CA10: variants seen among roughly 807,000 people sequenced by gnomAD.
CA10 encodes carbonic anhydrase 10 (inactive), also known as carbonic anhydrase-related protein 10.
A neutral mutation model predicts 44.2 loss-of-function variants in CA10; 14 were observed. The ratio of observed to expected loss-of-function variants is 0.32; its 90% CI spans 0.21 to 0.50. CA10 has a LOEUF of 0.50. CA10 is among the 20% of genes least tolerant of loss of function. CA10 has a pLI of 0.99. For missense variants in CA10, 350 were observed against 409.7 expected, an observed-to-expected ratio of 0.85 and a Z score of 1.26; for synonymous variants, 159 against 141.6, an observed-to-expected ratio of 1.12 and a Z score of -0.87.
In CA10 at chr17:51,633,658, G is replaced by A. The variant is rs1168360136; in HGVS notation, c.790-8C>T. 1 of 1,610,144 alleles carries A rather than the reference G, an allele frequency of 6.2e-7. No individual in the cohort carries two copies. The highest frequency in any genetic ancestry group is 1.3e-5 in the African/African-American group (1 of 74,656). Reference sequence around the variant, plus strand: ...CAGGCGCAAGGAATGCATCTGAGGAGAGAGAAGTGGCCGTGAGATCCAACC... The same window carrying A: ...CAGGCGCAAGGAATGCATCTGAGGAAAGAGAAGTGGCCGTGAGATCCAACC... On this transcript the variant is annotated splice_region_variant and splice_polypyrimidine_tract_variant and intron_variant, in intron 7 of 8. Coordinates refer to ENST00000451037, the MANE Select transcript of CA10 (RefSeq NM_020178.5).
intron 3 of CA10, among the ~76,000 whole-genome samples, chr17:51,878,894 GT>G (rs1348982035): frequency 0.16 from 1,037 of 6,368 alleles, 145 homozygotes; most frequent in South Asian, 0.39. Flanking sequence ...ATATATATGG[GT>G]GTGTGTGTGT....
chr17:51,752,115 C>T (rs56700904), intron 3 of CA10, among the ~76,000 whole-genome samples: 26,780 of 151,820 alleles, frequency 0.18, 2,624 homozygotes, highest in East Asian at 0.28. Context: ...CCATAGATAC[C>T]GAAATAACAT....
chr17:51,918,912 C>T (rs902444269), intron 3 of CA10, among the ~76,000 whole-genome samples: 8 of 152,104 alleles, frequency 5.3e-5, no homozygotes, highest in Non-Finnish European at 1.0e-4. Flanking sequence ...CTTAATCTTT[C>T]GTGCAACATT....
intron 4 of CA10, among the ~76,000 whole-genome samples, chr17:51,663,436 C>G (rs1219676877): frequency 2.6e-5 from 4 of 152,102 alleles, no homozygotes; most frequent in Non-Finnish European, 1.5e-5. Context: ...TTTAGTTAAG[C>G]CTATTTCTTC....
chr17:51,673,037 G>A (rs1275001610), intron 4 of CA10, among the ~76,000 whole-genome samples: 12 of 152,160 alleles, frequency 7.9e-5, no homozygotes, highest in Non-Finnish European at 1.3e-4. Flanking sequence ...CTCTCTTGTT[G>A]GTCTTTCTGA....
chr17:51,853,119 C>T (rs937190010), intron 3 of CA10, among the ~76,000 whole-genome samples: 1 of 151,972 alleles, frequency 6.6e-6, no homozygotes, highest in Non-Finnish European at 1.5e-5. Flanking sequence ...AAACTGAATG[C>T]TAATATATTA....
chr17:52,118,049 C>T (rs1047130278), intron 1 of CA10, among the ~76,000 whole-genome samples: 2 of 152,158 alleles, frequency 1.3e-5, no homozygotes, highest in Non-Finnish European at 2.9e-5. Flanking sequence ...CACTAATCTG[C>T]TCTTTAGCAA....
chr17:51,920,841 C>T (rs566571990), intron 3 of CA10, among the ~76,000 whole-genome samples: 5 of 152,242 alleles, frequency 3.3e-5, no homozygotes, highest in South Asian at 2.1e-4. Flanking sequence ...TGAAATCTTC[C>T]GCTCCCTGCA....
rs76715983 is a variant in CA10, at chr17:51,992,335, A to T, written c.137-61203T>A. ...CATCCTCATCATCACCATCATTGTT[A>T]TCCTCACTCTTGACCTTATTATTTT... On this transcript the variant is annotated intron_variant, in intron 2 of 8. Coordinates refer to ENST00000451037, the MANE Select transcript of CA10 (RefSeq NM_020178.5). 2.6e-5 allele frequency among the ~76,000 whole-genome samples: 4 copies of T among 152,252 alleles called. No homozygotes were observed. In the East Asian group the frequency reaches 7.7e-4, roughly 29 times the overall value.
chr17:51,645,164 G>A (rs1913271155), intron 6 of CA10, among the ~76,000 whole-genome samples: 1 of 152,092 alleles, frequency 6.6e-6, no homozygotes, highest in Admixed American at 6.5e-5. Flanking sequence ...CATCAGCCCG[G>A]TCATGGTCAG....
intron 2 of CA10, among the ~76,000 whole-genome samples, chr17:51,952,059 C>A (rs1460967951): frequency 6.6e-6 from 1 of 152,064 alleles, no homozygotes; most frequent in Non-Finnish European, 1.5e-5. Flanking sequence ...AAATTAACTG[C>A]CAAAATTATT....
At chr17:51,660,840 G>A (rs1460099140) in intron 4 of CA10, among the ~76,000 whole-genome samples, 1 of 151,988 alleles carries the variant, frequency 6.6e-6, no homozygotes, top group African/African-American at 2.4e-5. Flanking sequence ...TCTGTGCTCT[G>A]CTCAGTGTCT....
intron 3 of CA10, among the ~76,000 whole-genome samples, chr17:51,838,483 T>C (rs1042943235): frequency 1.3e-5 from 2 of 152,242 alleles, no homozygotes; most frequent in Non-Finnish European, 2.9e-5. Flanking sequence ...AATAAATGTA[T>C]GAAGTGGCTT....
At chr17:52,071,082 T>G (rs946448079) in intron 2 of CA10, among the ~76,000 whole-genome samples, 20 of 152,232 alleles carry the variant, frequency 1.3e-4, no homozygotes, top group African/African-American at 4.6e-4. Context: ...TTGTAAGTAT[T>G]GAATGCCATT....
Position 52,029,330 on chromosome 17 carries a change from C to T in CA10, c.136+42989G>A, listed in dbSNP as rs184876114. Among the ~76,000 whole-genome samples, 74 of 152,240 alleles carry T rather than the reference C, an allele frequency of 4.9e-4. 1 individual carries two copies. The highest frequency in any genetic ancestry group is 7.9e-4 in the Admixed American group (12 of 15,286). ...GTTTTCAAGAGATGGTATCAAAACA[C>T]GCTTTTGTCAACAAGCCCAATCATA... On this transcript the variant is annotated intron_variant, in intron 2 of 8. Transcript: ENST00000451037.
At chr17:51,942,229 G>T (rs774776495) in intron 2 of CA10, among the ~76,000 whole-genome samples, 30 of 152,104 alleles carry the variant, frequency 2.0e-4, no homozygotes, top group Non-Finnish European at 3.5e-4. Context: ...AAATAACAGG[G>T]CTTAGTTATC....
intron 3 of CA10, among the ~76,000 whole-genome samples, chr17:51,907,334 G>C (rs532840953): frequency 6.6e-6 from 1 of 152,060 alleles, no homozygotes; most frequent in South Asian, 2.1e-4. Context: ...ATTTGAGGAA[G>C]AGGAAGGAAG....
At chr17:51,960,738 T>C (rs1983856310) in intron 2 of CA10, among the ~76,000 whole-genome samples, 2 of 152,096 alleles carry the variant, frequency 1.3e-5, no homozygotes, top group South Asian at 4.1e-4. Context: ...CCTCTAAATA[T>C]TGGAAAATTA....
At chr17:52,064,564 G>T (rs1298176641) in intron 2 of CA10, among the ~76,000 whole-genome samples, 1 of 12,934 alleles carries the variant, frequency 7.7e-5, no homozygotes, top group African/African-American at 2.1e-4. Flanking sequence ...TTAATCATGA[G>T]ACTTTTTTTT....
Sources: gnomAD v4.1 joint callset for allele counts (sites outside exome capture counted in the v4.1 genomes callset) on GRCh38, gnomAD v4.1.1 for gene constraint, MANE v1.5 for transcripts, NCBI Gene and HGNC (gene_info 2026-07-23, HGNC 2026-07-21) for gene names.